CPS1: variants seen among roughly 807,000 people sequenced by gnomAD.
CPS1 encodes the protein carbamoyl-phosphate synthase 1, also known as carbamoyl-phosphate synthase [ammonia], mitochondrial.
In CPS1, 109 loss-of-function variants were observed where a neutral mutation model predicts 174.6. The observed-to-expected ratio is 0.62, with a 90% CI of 0.53 to 0.73. The LOEUF (loss-of-function observed/expected upper bound fraction) is 0.73, where lower values mean the gene tolerates loss of function less well. CPS1 is among the 30% of genes least tolerant of loss of function. CPS1 has a pLI of 0.00. For synonymous variants in CPS1, 637 were observed against 632.0 expected, an observed-to-expected ratio of 1.01 and a Z score of -0.12; for missense variants, 1,689 against 1,821.9, an observed-to-expected ratio of 0.93 and a Z score of 1.33.
At chr2:210,524,657 A>G (rs767927359) in intron 1 of CPS1, among the ~76,000 whole-genome samples, 1 of 151,934 alleles carries the variant, frequency 6.6e-6, no homozygotes, top group Non-Finnish European at 1.5e-5. Flanking sequence ...TAGCTAATTC[A>G]TGGATATAGT....
In CPS1 at chr2:210,612,250, A is replaced by G. The variant is rs1262125951; in HGVS notation, c.2525A>G (p.Glu842Gly). 1 of 1,612,224 alleles carries G rather than the reference A, an allele frequency of 6.2e-7. No homozygotes were observed. Among genetic ancestry groups the G allele is most frequent in the Non-Finnish European group, 8.5e-7 (1 of 1,178,822 alleles). The stretch of plus-strand genomic sequence containing the variant: ...CCATCTAATTTAGATCTTAGAAAAG[A>G]GTTGTCTGAACCAAGCAGCACGCGT... ...EWPSNLDLRK[E>G]LSEPSSTRIY... The change falls in exon 20 of 38, where the codon GAG (glutamate) becomes GGG (glycine). Residue 842 changes from glutamate (E) to glycine (G), a missense_variant. Physicochemically the swap from Glu to Gly is moderately conservative, Grantham distance 98. Coordinates refer to ENST00000233072, the MANE Select transcript of CPS1 (RefSeq NM_001875.5).
At chr2:210,582,904 A>G (rs999097158) in intron 6 of CPS1, among the ~76,000 whole-genome samples, 195 bp downstream of exon 6, 1 of 152,122 alleles carries the variant, frequency 6.6e-6, no homozygotes, top group East Asian at 1.9e-4. Context: ...ACAGGCTTAC[A>G]TGGGAAACTT....
At chr2:210,488,162 CTT>C (rs34246636) in intron 1 of CPS1, among the ~76,000 whole-genome samples, 2 of 149,336 alleles carry the variant, frequency 1.3e-5, no homozygotes, top group Non-Finnish European at 3.0e-5. Flanking sequence ...TTGCATTATC[CTT>C]TTTTTTTTAA....
At position 210,612,311 on chromosome 2, in the gene CPS1, G is replaced by A. The variant is rs374535904; in HGVS notation, c.2568+18G>A. ...TTGCCAAGGTAAGATGTTACAAGGG[G>A]CCCACAGCTACTAGTTGCTTTTCCA... On this transcript the variant is annotated intron_variant, in intron 20 of 37. Coordinates refer to ENST00000233072, the MANE Select transcript of CPS1 (RefSeq NM_001875.5). 6.2e-7 allele frequency: 1 copy of A among 1,611,110 alleles called. No individual in the cohort carries two copies. Among genetic ancestry groups the A allele is most frequent in the Non-Finnish European group, 8.5e-7 (1 of 1,177,990 alleles).
intron 22 of CPS1, 95 bp downstream of exon 22, chr2:210,637,938 G>A: frequency 1.4e-6 from 2 of 1,394,004 alleles, no homozygotes; most frequent in South Asian, 1.2e-5. Context: ...AATAAAAAGA[G>A]GAGTGGAATT....
intron 22 of CPS1, 104 bp from the exon 23 acceptor site, chr2:210,639,046 G>A (rs1700125561): frequency 3.6e-6 from 3 of 826,010 alleles, no homozygotes; most frequent in Non-Finnish European, 4.1e-6. Flanking sequence ...ATACTTTACA[G>A]TAATAGGAAT....
At chr2:210,602,892 C>T (rs972323583) in intron 16 of CPS1, among the ~76,000 whole-genome samples, 5 of 151,774 alleles carry the variant, frequency 3.3e-5, no homozygotes, top group East Asian at 2.0e-4. Context: ...CATAAAAACA[C>T]GAGAGATTTG....
intron 1 of CPS1, among the ~76,000 whole-genome samples, chr2:210,496,093 C>T (rs531566545): frequency 6.6e-6 from 1 of 152,010 alleles, no homozygotes; most frequent in East Asian, 1.9e-4. Context: ...GCCAACATGC[C>T]CTGTAGTCCA....
chr2:210,522,455 T>A (rs1324006493), intron 1 of CPS1, among the ~76,000 whole-genome samples: 1 of 151,964 alleles, frequency 6.6e-6, no homozygotes, highest in Non-Finnish European at 1.5e-5. Flanking sequence ...GATATGATAA[T>A]TAAAGAAAAA....
At chr2:210,487,238 G>A (rs552191527) in intron 1 of CPS1, among the ~76,000 whole-genome samples, 109 of 152,226 alleles carry the variant, frequency 7.2e-4, no homozygotes, top group Non-Finnish European at 9.1e-4. Context: ...GGCTTCAGCC[G>A]GAGTGCTCAC....
At chr2:210,562,492 G>A (rs1697135634) in intron 1 of CPS1, among the ~76,000 whole-genome samples, 1 of 152,146 alleles carries the variant, frequency 6.6e-6, no homozygotes, top group African/African-American at 2.4e-5. Context: ...TCTTAATAGT[G>A]TAATTCCAAG....
intron 34 of CPS1, among the ~76,000 whole-genome samples, chr2:210,669,133 T>TA (rs1701207025): frequency 6.6e-6 from 1 of 152,132 alleles, no homozygotes; most frequent in Non-Finnish European, 1.5e-5. Context: ...CTTTATGCAA[T>TA]AAAAAATGCA....
At chr2:210,603,997 T>C (rs2105845601) in intron 16 of CPS1, among the ~76,000 whole-genome samples, 1 of 152,110 alleles carries the variant, frequency 6.6e-6, no homozygotes, top group East Asian at 1.9e-4. Context: ...TCCATTTTAC[T>C]TCATTAGAAT....
intron 1 of CPS1, among the ~76,000 whole-genome samples, chr2:210,496,240 A>T (rs944495845): frequency 6.6e-6 from 1 of 151,638 alleles, no homozygotes; most frequent in East Asian, 1.9e-4. Flanking sequence ...ACATTTTACT[A>T]TGTAAGGAAT....
chr2:210,507,994 C>G (rs947067692), intron 1 of CPS1, among the ~76,000 whole-genome samples: 17 of 152,222 alleles, frequency 1.1e-4, no homozygotes, highest in African/African-American at 3.9e-4. Flanking sequence ...ACAAGGATAT[C>G]CAGAAATTGA....
Position 210,612,159 on chromosome 2 carries a change from G to T in CPS1, c.2434G>T (p.Ala812Ser). ...TACCTTTGAGGAGAGTTTCCAGAAA[G>T]CTTTACGGATGTGCCACCCATCTAT... ...GRTFEESFQK[A>S]LRMCHPSIEG... Residue 812 changes from alanine (A) to serine (S), a missense_variant, in exon 20 of 38, where the codon GCT (alanine) becomes TCT (serine). Ala to Ser is a moderately conservative substitution (Grantham distance 99). Transcript: ENST00000233072. The T allele has an allele frequency of 6.2e-7, 1 of 1,612,176 alleles. No individual in the cohort carries two copies. Among genetic ancestry groups the T allele is most frequent in the Non-Finnish European group, 8.5e-7 (1 of 1,178,786 alleles).
chr2:210,479,447 G>A (rs4673533), intron 1 of CPS1, among the ~76,000 whole-genome samples: 1 of 151,166 alleles, frequency 6.6e-6, no homozygotes, highest in Non-Finnish European at 1.5e-5. Context: ...TCCTGCCTCA[G>A]CCTCCAGAGT....
chr2:210,569,749 CT>C (rs1239129695), intron 1 of CPS1, among the ~76,000 whole-genome samples: 1 of 151,912 alleles, frequency 6.6e-6, no homozygotes, highest in Non-Finnish European at 1.5e-5. Context: ...TGATAAGGTC[CT>C]TTATTTTATA....
intron 33 of CPS1, among the ~76,000 whole-genome samples, 194 bp from the exon 34 acceptor site, chr2:210,667,992 G>A (rs188714479): frequency 1.3e-5 from 2 of 152,042 alleles, no homozygotes; most frequent in Admixed American, 1.3e-4. Context: ...TTAATCCCTG[G>A]ATTCAGATTG....
Sources: gnomAD v4.1 joint callset for allele counts (sites outside exome capture counted in the v4.1 genomes callset) on GRCh38, gnomAD v4.1.1 for gene constraint, MANE v1.5 for transcripts, NCBI Gene and HGNC (gene_info 2026-07-23, HGNC 2026-07-21) for gene names.